ADCY8: variants seen among roughly 807,000 people sequenced by gnomAD.
ADCY8 encodes adenylate cyclase type 8.
ADCY8 carries 51 observed loss-of-function variants against 119.7 expected under a neutral mutation model. That is an observed-to-expected ratio of 0.43 (90% CI 0.34 to 0.54). The LOEUF is 0.54. ADCY8 is among the 20% of genes least tolerant of loss of function. The pLI, the probability that ADCY8 is intolerant of heterozygous loss-of-function variation, is 0.03. For synonymous variants in ADCY8, 665 were observed against 651.0 expected (o/e 1.02, Z -0.33); for missense variants, 1,383 against 1,598.8 (o/e 0.87, Z 2.30).
At chr8:130,911,040 T>A (rs1215394012) in intron 5 of ADCY8, among the ~76,000 whole-genome samples, 4 of 152,194 alleles carry the variant, frequency 2.6e-5, no homozygotes, top group African/African-American at 4.8e-5. Context: ...AGACAAGTGT[T>A]CCAAATTTGC....
At chr8:130,869,604 G>A (rs1412655304) in intron 8 of ADCY8, among the ~76,000 whole-genome samples, 3 of 145,068 alleles carry the variant, frequency 2.1e-5, no homozygotes, top group Admixed American at 7.0e-5. Flanking sequence ...TGCAAGCTCT[G>A]CCTCCCAGGT....
At position 130,884,159 on chromosome 8, in the gene ADCY8, C is replaced by T. The variant is rs984381147; in HGVS notation, c.2109+405G>A. On this transcript the variant is annotated intron_variant, in intron 8 of 17. Transcript: ENST00000286355. Reference sequence around the variant, plus strand: ...AAGAAAGACAGTGTTTATCACTGACCGCTTACATCAAGTTATTGGGTGCCC... The same window carrying T: ...AAGAAAGACAGTGTTTATCACTGACTGCTTACATCAAGTTATTGGGTGCCC... Among the ~76,000 whole-genome samples the T allele has an allele frequency of 5.5e-4, 83 of 152,054 alleles. 1 individual carries two copies. The highest frequency in any genetic ancestry group is 2.4e-4 in the Non-Finnish European group (16 of 68,000).
At chr8:130,885,000 T>C (rs1419674819) in intron 7 of ADCY8, among the ~76,000 whole-genome samples, 1 of 152,158 alleles carries the variant, frequency 6.6e-6, no homozygotes, top group Non-Finnish European at 1.5e-5. Context: ...TGAATTCCTT[T>C]GGTTGAGGTA....
At chr8:130,846,898 T>TC (rs1563689888) in intron 11 of ADCY8, among the ~76,000 whole-genome samples, 1 of 79,674 alleles carries the variant, frequency 1.3e-5, no homozygotes. Context: ...TTTCCTTCCT[T>TC]CCTTCCTTCC....
At position 131,040,884 on chromosome 8, in the gene ADCY8, T is replaced by G. The variant is rs1824380437; in HGVS notation, c.-551A>C. On this transcript the variant is annotated 5_prime_UTR_variant, in exon 1 of 18. Transcript: ENST00000286355. ...GCAGATGTGGCTGGAATCATCGCCC[T>G]TCGGAGAACTCCATTGCGCCGGGAT... is the stretch of plus-strand genomic sequence containing the variant. 1 of 152,210 alleles carries G rather than the reference T, an allele frequency of 6.6e-6. No individual in the cohort carries two copies. Among genetic ancestry groups the G allele is most frequent in the African/African-American group, 2.4e-5 (1 of 41,434 alleles). 9.4% of individuals were successfully genotyped at this position (152,210 alleles called of 1,614,324 possible).
At chr8:130,820,502 G>A (rs1816474910) in intron 13 of ADCY8, among the ~76,000 whole-genome samples, 2 of 152,238 alleles carry the variant, frequency 1.3e-5, no homozygotes, top group Non-Finnish European at 2.9e-5. Flanking sequence ...AGCGACGAAC[G>A]TTCATGGGTT....
At chr8:130,950,425 G>C (rs1415912317) in intron 3 of ADCY8, among the ~76,000 whole-genome samples, 4 of 152,220 alleles carry the variant, frequency 2.6e-5, no homozygotes, top group Non-Finnish European at 5.9e-5. Flanking sequence ...TTGCAGTGGT[G>C]GCCGTGTCAG....
intron 1 of ADCY8, among the ~76,000 whole-genome samples, chr8:131,015,949 A>G (rs898851248): frequency 6.6e-6 from 1 of 152,260 alleles, no homozygotes; most frequent in African/African-American, 2.4e-5. Context: ...ACATCAATAC[A>G]CAGTTATTGA....
Position 130,937,075 on chromosome 8 carries a change from G to A in ADCY8, c.1479C>T (p.Ile493=). 6.2e-7 allele frequency: 1 copy of A among 1,610,628 alleles called. No homozygotes were observed. Among genetic ancestry groups the A allele is most frequent in the Non-Finnish European group, 8.5e-7 (1 of 1,178,042 alleles). Residue 493 remains isoleucine, a splice_region_variant and synonymous_variant, in exon 5 of 18, where the codon ATC becomes ATT. Coordinates refer to ENST00000286355, the MANE Select transcript of ADCY8 (RefSeq NM_001115.3). ...VEMGLSMIKT[I]RYVRSRTKHD... ...ACATGATGGGGATCACAAATTACCTGATGGTTTTGATCATGCTGAGACCCA... is the reference window on the plus strand; with the variant it reads ...ACATGATGGGGATCACAAATTACCTAATGGTTTTGATCATGCTGAGACCCA...
intron 7 of ADCY8, among the ~76,000 whole-genome samples, chr8:130,891,652 C>A (rs1819191828): frequency 6.6e-6 from 1 of 152,052 alleles, no homozygotes; most frequent in Non-Finnish European, 1.5e-5. Context: ...GAAAATGGCA[C>A]AATTTTTTTC....
intron 15 of ADCY8, among the ~76,000 whole-genome samples, chr8:130,792,941 G>C (rs553444295): frequency 6.6e-6 from 1 of 152,268 alleles, no homozygotes; most frequent in East Asian, 1.9e-4. Flanking sequence ...ACCCTGCCAC[G>C]CTGGTTTAAA....
At chr8:130,859,551 C>T (rs1276747837) in intron 9 of ADCY8, among the ~76,000 whole-genome samples, 3 of 152,218 alleles carry the variant, frequency 2.0e-5, no homozygotes, top group Non-Finnish European at 4.4e-5. Context: ...ATTTTACTCC[C>T]CACATCCCCT....
intron 1 of ADCY8, among the ~76,000 whole-genome samples, chr8:131,035,226 A>G (rs1018948812): frequency 6.6e-6 from 1 of 152,152 alleles, no homozygotes; most frequent in African/African-American, 2.4e-5. Context: ...CGGTTTCATA[A>G]GAAAGAAACG....
intron 14 of ADCY8, among the ~76,000 whole-genome samples, chr8:130,805,872 C>T (rs903338210): frequency 2.0e-5 from 3 of 152,120 alleles, no homozygotes; most frequent in South Asian, 2.1e-4. Flanking sequence ...GGTGGGTTCA[C>T]CTTGGGCACA....
At chr8:130,882,177 T>G (rs951208616) in intron 8 of ADCY8, among the ~76,000 whole-genome samples, 3 of 151,152 alleles carry the variant, frequency 2.0e-5, no homozygotes, top group Non-Finnish European at 2.9e-5. Flanking sequence ...ATCTCACAGT[T>G]GATGACACCT....
At chr8:130,899,050 C>G (rs975036024) in intron 7 of ADCY8, among the ~76,000 whole-genome samples, 3 of 152,234 alleles carry the variant, frequency 2.0e-5, no homozygotes, top group Non-Finnish European at 4.4e-5. Context: ...TCACTATGCT[C>G]TAGCCACTTG....
chr8:130,893,657 GGTGTGTGT>G lies in ADCY8; in HGVS notation c.1912-8904_1912-8897del, dbSNP rs113157821. On this transcript the variant is annotated intron_variant, in intron 7 of 17. Coordinates refer to ENST00000286355, the MANE Select transcript of ADCY8 (RefSeq NM_001115.3). ...GGTGTCAATACCATGGGGAGAAGAA[GGTGTGTGT>G]GTGTGTGTGTGTGTGTGTGTGTGTG... 2.2e-3 allele frequency among the ~76,000 whole-genome samples: 334 copies of G among 148,938 alleles called. 1 individual carries two copies. The highest frequency in any genetic ancestry group is 6.4e-3 in the East Asian group (32 of 4,974).
chr8:131,002,127 CT>C (rs1329171053), intron 1 of ADCY8, among the ~76,000 whole-genome samples: 1 of 152,202 alleles, frequency 6.6e-6, no homozygotes, highest in Non-Finnish European at 1.5e-5. Flanking sequence ...AGTTAATCAA[CT>C]TTTTTGGCCC....
intron 1 of ADCY8, among the ~76,000 whole-genome samples, chr8:131,007,966 A>G (rs564741607): frequency 2.6e-4 from 40 of 152,296 alleles, no homozygotes; most frequent in African/African-American, 9.6e-4. Flanking sequence ...AGGCATTGCT[A>G]CCCATTAAAT....
Sources: allele counts gnomAD v4.1 joint callset (sites outside exome capture counted in the v4.1 genomes callset), GRCh38; gene constraint gnomAD v4.1.1; transcripts MANE v1.5; gene names NCBI Gene and HGNC (gene_info 2026-07-23, HGNC 2026-07-21).